The following BTLA variants were observed in gnomAD, a reference collection of about 807,000 sequenced individuals.
BTLA encodes B and T lymphocyte associated.
Under a neutral mutation model 25.0 loss-of-function variants are expected in BTLA, and 11 were observed. The ratio of observed to expected loss-of-function variants is 0.44; its 90% CI spans 0.28 to 0.73. The LOEUF (loss-of-function observed/expected upper bound fraction) is 0.73. Among genes scored for constraint, BTLA ranks in the 30% least tolerant of loss-of-function variants. BTLA has a pLI of 0.15. For synonymous variants in BTLA, 104 were observed against 119.8 expected, an observed-to-expected ratio of 0.87 and a Z score of 0.86; for missense variants, 282 against 332.8, an observed-to-expected ratio of 0.85 and a Z score of 1.19.
intron 2 of BTLA, among the ~76,000 whole-genome samples, chr3:112,475,242 A>C (rs1477828524): frequency 1.3e-5 from 2 of 152,180 alleles, no homozygotes; most frequent in Non-Finnish European, 2.9e-5. Flanking sequence ...CAAACTGATA[A>C]GGAAGGGAGT....
chr3:112,498,304 C>T (rs905108815), intron 1 of BTLA, among the ~76,000 whole-genome samples: 1 of 151,490 alleles, frequency 6.6e-6, no homozygotes, highest in African/African-American at 2.4e-5. Context: ...CTACTAGGGA[C>T]GCTGAGGCAG....
intron 1 of BTLA, among the ~76,000 whole-genome samples, chr3:112,487,540 G>A (rs547802731): frequency 2.6e-5 from 4 of 151,922 alleles, no homozygotes; most frequent in East Asian, 1.9e-4. Context: ...AGCTGAGATC[G>A]TGCCATTGCA....
In BTLA at chr3:112,487,279, T is replaced by C. The variant is rs4682411; in HGVS notation, c.89-7510A>G. 3.9e-3 allele frequency among the ~76,000 whole-genome samples: 597 copies of C among 152,316 alleles called. 3 individuals are homozygous for C. The highest frequency in any genetic ancestry group is 7.0e-3 in the Non-Finnish European group (476 of 68,004). On this transcript the variant is annotated intron_variant, in intron 1 of 4. Coordinates refer to ENST00000334529, the MANE Select transcript of BTLA (RefSeq NM_181780.4). ...CTGACATTGTTCATGTTTGCTAGTATGTGGTGATAATTAAAAGGAAACCGG... is the reference window on the plus strand; with the variant it reads ...CTGACATTGTTCATGTTTGCTAGTACGTGGTGATAATTAAAAGGAAACCGG...
rs1426752395 is a variant in BTLA, at chr3:112,471,251, T to C, written c.508A>G (p.Thr170Ala). The stretch of plus-strand genomic sequence containing the variant: ...AGGCAGCAGAACAGGCAGAAACAGG[T>C]AGTGATGAGTAGAGGCAATCCCCCC... ...PLGGLPLLIT[T>A]CFCLFCCLRR... The change falls in exon 3 of 5, where the codon ACC (threonine) becomes GCC (alanine). Residue 170 changes from threonine (T) to alanine (A), a missense_variant. Transcript: ENST00000334529. 1.2e-6 allele frequency: 2 copies of C among 1,613,830 alleles called. No individual in the cohort carries two copies. The highest frequency in any genetic ancestry group is 3.3e-5 in the Admixed American group (2 of 60,006).
At chr3:112,485,131 G>A (rs1344590176) in intron 1 of BTLA, among the ~76,000 whole-genome samples, 1 of 151,786 alleles carries the variant, frequency 6.6e-6, no homozygotes, top group Admixed American at 6.6e-5. Flanking sequence ...TGCAGCCTCC[G>A]CCTCCCAGGT....
At chr3:112,485,885 A>T (rs1401858773) in intron 1 of BTLA, among the ~76,000 whole-genome samples, 1 of 152,142 alleles carries the variant, frequency 6.6e-6, no homozygotes, top group Non-Finnish European at 1.5e-5. Context: ...GGCCGAGGCG[A>T]GTGGATCACG....
intron 1 of BTLA, among the ~76,000 whole-genome samples, chr3:112,488,175 C>T (rs2082358740): frequency 6.6e-6 from 1 of 151,830 alleles, no homozygotes; most frequent in South Asian, 2.1e-4. Context: ...CCTTGTTTCC[C>T]TCCCTCCACC....
At chr3:112,477,249 G>A (rs1483475879) in intron 2 of BTLA, among the ~76,000 whole-genome samples, 1 of 152,082 alleles carries the variant, frequency 6.6e-6, no homozygotes, top group African/African-American at 2.4e-5. Context: ...TTGATTTTGA[G>A]GAACTGTTAG....
chr3:112,482,718 A>T (rs1041774738), intron 1 of BTLA, among the ~76,000 whole-genome samples: 2 of 152,212 alleles, frequency 1.3e-5, no homozygotes, highest in African/African-American at 4.8e-5. Context: ...TCACTTTAAG[A>T]CTTCTTAATT....
upstream of BTLA, chr3:112,499,475 A>T: frequency 1.7e-6 from 1 of 590,478 alleles, no homozygotes; most frequent in Non-Finnish European, 2.8e-6. Flanking sequence ...AAATAACTAA[A>T]AAAAAAAAAA....
intron 1 of BTLA, among the ~76,000 whole-genome samples, chr3:112,481,548 G>A (rs60780375): frequency 0.013 from 2,014 of 152,358 alleles, 25 homozygotes; most frequent in African/African-American, 0.034. Context: ...CCTGTAAAGG[G>A]CATTCTAGTT....
chr3:112,483,084 A>C (rs537574745), intron 1 of BTLA, among the ~76,000 whole-genome samples: 1 of 151,744 alleles, frequency 6.6e-6, no homozygotes, highest in East Asian at 1.9e-4. Context: ...TTACCCTCAA[A>C]GAGTTTACCA....
intron 2 of BTLA, among the ~76,000 whole-genome samples, chr3:112,478,359 T>C (rs1280974791): frequency 6.6e-6 from 1 of 152,168 alleles, no homozygotes; most frequent in Non-Finnish European, 1.5e-5. Flanking sequence ...GTTAAATTTG[T>C]ACTTAAATAT....
intron 2 of BTLA, 106 bp downstream of exon 2, chr3:112,479,349 G>T: frequency 9.7e-7 from 1 of 1,026,504 alleles, no homozygotes; most frequent in Non-Finnish European, 1.5e-6. Context: ...TTTCAGATGT[G>T]CTATAGGAGT....
In BTLA at chr3:112,465,027, G is replaced by A. The variant is rs1009796836; in HGVS notation, c.*1081C>T. ...AGTACTTTGGAAAGTCCAAAAATCT[G>A]AATCCATCTTTTGCTATACTCTTAA... On this transcript the variant is annotated 3_prime_UTR_variant, in exon 5 of 5. Transcript: ENST00000334529. 11 of 152,180 alleles carry A rather than the reference G, an allele frequency of 7.2e-5. No homozygotes were observed. Among genetic ancestry groups the A allele is most frequent in the African/African-American group, 2.7e-4 (11 of 41,442 alleles). 9.4% of individuals were successfully genotyped at this position (152,180 alleles called of 1,614,324 possible).
chr3:112,467,868 A>G (rs998485634), intron 4 of BTLA, among the ~76,000 whole-genome samples: 4 of 152,258 alleles, frequency 2.6e-5, no homozygotes, highest in African/African-American at 9.6e-5. Flanking sequence ...TCAATATATC[A>G]ACAAAGATCC....
At chr3:112,496,183 G>A (rs544232932) in intron 1 of BTLA, among the ~76,000 whole-genome samples, 1 of 152,230 alleles carries the variant, frequency 6.6e-6, no homozygotes, top group South Asian at 2.1e-4. Context: ...TCAGACAAAT[G>A]GTCCAGGATG....
intron 1 of BTLA, among the ~76,000 whole-genome samples, chr3:112,488,424 C>T (rs565825569): frequency 2.0e-5 from 3 of 151,902 alleles, no homozygotes; most frequent in Non-Finnish European, 4.4e-5. Context: ...GGGTTTTACC[C>T]GGTTAACCAG....
intron 2 of BTLA, among the ~76,000 whole-genome samples, chr3:112,472,368 G>A (rs2082267469): frequency 6.6e-6 from 1 of 151,668 alleles, no homozygotes; most frequent in Non-Finnish European, 1.5e-5. Flanking sequence ...TTTAATTTTG[G>A]GTTACAGTTA....
Sources: gnomAD v4.1 joint callset for allele counts (sites outside exome capture counted in the v4.1 genomes callset) on GRCh38, gnomAD v4.1.1 for gene constraint, MANE v1.5 for transcripts, NCBI Gene and HGNC (gene_info 2026-07-23, HGNC 2026-07-21) for gene names.